Variants in UGT3A1 observed in about 807,000 individuals in gnomAD.
UGT3A1 encodes UDP-glycosyltransferase 3A1.
Under a neutral mutation model 37.6 loss-of-function variants are expected in UGT3A1, and 40 were observed. The ratio of observed to expected loss-of-function variants is 1.06; its 90% CI spans 0.83 to 1.38. The LOEUF (loss-of-function observed/expected upper bound fraction) is 1.38. UGT3A1 is among the 40% of genes most tolerant of loss of function. The probability of loss-of-function intolerance (pLI) is 0.00; values close to 1 mark genes in which losing one functional copy is unlikely to be tolerated. For missense variants in UGT3A1, 642 were observed against 634.2 expected, an observed-to-expected ratio of 1.01 and a Z score of -0.13; for synonymous variants, 256 against 232.3, an observed-to-expected ratio of 1.10 and a Z score of -0.93.
chr5:35,951,775 C>T lies in UGT3A1; in HGVS notation c.*2427G>A, dbSNP rs1270267019. 6.6e-6 allele frequency: 1 copy of T among 152,124 alleles called. No homozygotes were observed. Among genetic ancestry groups the T allele is most frequent in the Admixed American group, 6.5e-5 (1 of 15,282 alleles). 9.4% of individuals were successfully genotyped at this position (152,124 alleles called of 1,614,324 possible). ...TAGAAAGTCTCTCCCTATACACAGG[C>T]TATGGAAAAATTCACTTTTTCTCTT... On this transcript the variant is annotated 3_prime_UTR_variant, in exon 7 of 7. Transcript: ENST00000274278.
intron 4 of UGT3A1, 21 bp from the exon 5 acceptor site, chr5:35,957,440 A>G (rs1359010209): frequency 5.6e-6 from 9 of 1,607,274 alleles, no homozygotes; most frequent in Non-Finnish European, 7.7e-6. Flanking sequence ...ATGACAAAAG[A>G]AAGGAGGTGG....
At chr5:35,965,011 T>C (rs971882230) in intron 4 of UGT3A1, among the ~76,000 whole-genome samples, 1 of 152,242 alleles carries the variant, frequency 6.6e-6, no homozygotes, top group Non-Finnish European at 1.5e-5. Flanking sequence ...TGTTTCACTG[T>C]GAGTAGCTCA....
intron 2 of UGT3A1, among the ~76,000 whole-genome samples, chr5:35,976,148 T>G (rs1740259435): frequency 6.6e-6 from 1 of 152,176 alleles, no homozygotes; most frequent in African/African-American, 2.4e-5. Flanking sequence ...ACAAAAATAA[T>G]TCTATTAAAC....
chr5:35,982,259 C>T (rs187180556), intron 2 of UGT3A1, among the ~76,000 whole-genome samples: 194 of 152,272 alleles, frequency 1.3e-3, no homozygotes, highest in Non-Finnish European at 2.3e-3. Context: ...AGCTGTCCTC[C>T]AGAAACCAGA....
chr5:35,991,306 T>C lies in UGT3A1; in HGVS notation c.-66A>G. The C allele has an allele frequency of 6.2e-7, 1 of 1,604,620 alleles. No homozygotes were observed. The highest frequency in any genetic ancestry group is 8.5e-7 in the Non-Finnish European group (1 of 1,175,058). On this transcript the variant is annotated 5_prime_UTR_variant, in exon 1 of 7. Coordinates refer to ENST00000274278, the MANE Select transcript of UGT3A1 (RefSeq NM_152404.4). ...GCGCCCTGCGCCGGGCTAAGGACTCTGTGCGCGCCTCAGTACTCCAAAGGC... is the reference window on the plus strand; with the variant it reads ...GCGCCCTGCGCCGGGCTAAGGACTCCGTGCGCGCCTCAGTACTCCAAAGGC...
At chr5:35,973,044 A>C (rs941865896) in intron 2 of UGT3A1, among the ~76,000 whole-genome samples, 2 of 152,106 alleles carry the variant, frequency 1.3e-5, no homozygotes, top group African/African-American at 4.8e-5. Context: ...AGATCCTAAA[A>C]ACTGAGATAG....
chr5:35,954,576 T>C, intron 6 of UGT3A1, 98 bp from the exon 7 acceptor site: 2 of 1,422,964 alleles, frequency 1.4e-6, no homozygotes, highest in Non-Finnish European at 1.9e-6. Context: ...ACAAACACTT[T>C]TCTAACACAT....
At chr5:35,989,930 C>G (rs1740870863) in intron 1 of UGT3A1, among the ~76,000 whole-genome samples, 1 of 151,998 alleles carries the variant, frequency 6.6e-6, no homozygotes, top group African/African-American at 2.4e-5. Flanking sequence ...TAAAAGAATA[C>G]AAAAGAATTA....
chr5:35,998,316 C>A (rs1371664352), intron 1 of UGT3A1, among the ~76,000 whole-genome samples: 1 of 152,196 alleles, frequency 6.6e-6, no homozygotes, highest in Non-Finnish European at 1.5e-5. Context: ...GACGCTGTGG[C>A]TCAAGGGCTG....
At chr5:35,991,000 G>A (rs893394912) in intron 1 of UGT3A1, 147 bp downstream of exon 1, 21 of 1,578,382 alleles carry the variant, frequency 1.3e-5, no homozygotes, top group African/African-American at 2.7e-5. Context: ...CCCACGGCTA[G>A]ATGGGCTTCT....
intron 2 of UGT3A1, among the ~76,000 whole-genome samples, chr5:35,997,021 G>A (rs1470049848): frequency 6.6e-6 from 1 of 152,108 alleles, no homozygotes; most frequent in African/African-American, 2.4e-5. Context: ...TCTATGACAG[G>A]GAGCCATAGA....
At position 35,957,329 on chromosome 5, in the gene UGT3A1, C is replaced by T; in HGVS notation, c.934G>A (p.Val312Ile). ...SMLNTHQSQEVLKKMHNAFAH... is the reference protein window; with the variant it reads ...SMLNTHQSQEILKKMHNAFAH... ...AAGGCATTGTGCATCTTCTTGAGGACTTCCTGGGACTGATGGGTGTTCAAC... is the reference window on the plus strand; with the variant it reads ...AAGGCATTGTGCATCTTCTTGAGGATTTCCTGGGACTGATGGGTGTTCAAC... The change falls in exon 5 of 7, where the codon GTC (valine) becomes ATC (isoleucine). Residue 312 changes from valine (V) to isoleucine (I), a missense_variant. Coordinates refer to ENST00000274278, the MANE Select transcript of UGT3A1 (RefSeq NM_152404.4). 1 of 1,614,168 alleles carries T rather than the reference C, an allele frequency of 6.2e-7. No individual in the cohort carries two copies. The highest frequency in any genetic ancestry group is 8.5e-7 in the Non-Finnish European group (1 of 1,180,024).
intron 1 of UGT3A1, 73 bp downstream of exon 1, chr5:35,991,074 C>T: frequency 6.2e-7 from 1 of 1,613,916 alleles, no homozygotes; most frequent in Non-Finnish European, 8.5e-7. Flanking sequence ...TGATCAATCG[C>T]CGTTCGCTGG....
chr5:35,998,867 A>G (rs1741155500), intron 1 of UGT3A1, among the ~76,000 whole-genome samples: 1 of 152,158 alleles, frequency 6.6e-6, no homozygotes, highest in Non-Finnish European at 1.5e-5. Flanking sequence ...ACATTGACAG[A>G]TTTTGGGGTT....
Position 35,965,493 on chromosome 5 carries a change from A to G in UGT3A1, c.736T>C (p.Leu246=), listed in dbSNP as rs1739762984. 6.2e-7 allele frequency: 1 copy of G among 1,614,086 alleles called. No homozygotes were observed. Among genetic ancestry groups the G allele is most frequent in the Non-Finnish European group, 8.5e-7 (1 of 1,180,008 alleles). Residue 246 remains leucine (L), a synonymous_variant, in exon 4 of 7, where the codon TTG becomes CTG. Transcript: ENST00000274278. Reference sequence around the variant, plus strand: ...GCAAAATCAGAGTTAACAAACCACAACTCTGCTTTCAGTAGAAGATGAGAC... The same window carrying G: ...GCAAAATCAGAGTTAACAAACCACAGCTCTGCTTTCAGTAGAAGATGAGAC... ...VLSHLLLKAE[L]WFVNSDFAFD... is the part of the protein sequence containing the mutation.
At chr5:35,982,991 T>G (rs945626951) in intron 2 of UGT3A1, among the ~76,000 whole-genome samples, 5 of 152,190 alleles carry the variant, frequency 3.3e-5, no homozygotes, top group African/African-American at 1.2e-4. Flanking sequence ...TAAGATGTGC[T>G]TGCTTTCCCT....
upstream of UGT3A1, among the ~76,000 whole-genome samples, chr5:35,996,378 A>C (rs888019625): frequency 1.3e-5 from 2 of 152,336 alleles, no homozygotes; most frequent in Admixed American, 6.5e-5. Flanking sequence ...GCATGACTAT[A>C]TCTCTGATAA....
At chr5:35,987,039 C>T (rs1294362458) in intron 2 of UGT3A1, among the ~76,000 whole-genome samples, 1 of 152,016 alleles carries the variant, frequency 6.6e-6, no homozygotes, top group Non-Finnish European at 1.5e-5. Flanking sequence ...GGCTGCTATC[C>T]TATACGTGAG....
At chr5:35,997,309 A>G (rs1164795862) in exon 2 of UGT3A1, 2 of 152,224 alleles carry the variant, frequency 1.3e-5, no homozygotes, top group East Asian at 3.9e-4. Flanking sequence ...CAGACAGCCA[A>G]TATTTGGATA....
Sources: gnomAD v4.1 joint callset for allele counts (sites outside exome capture counted in the v4.1 genomes callset) on GRCh38, gnomAD v4.1.1 for gene constraint, MANE v1.5 for transcripts, NCBI Gene and HGNC (gene_info 2026-07-23, HGNC 2026-07-21) for gene names.